CPNE4: variants seen among roughly 807,000 people sequenced by gnomAD.
The protein encoded by CPNE4 is copine-4.
Under a neutral mutation model 67.9 loss-of-function variants are expected in CPNE4, and 25 were observed. The ratio of observed to expected loss-of-function variants is 0.37; its 90% CI spans 0.27 to 0.51. The LOEUF is 0.51. Among genes scored for constraint, CPNE4 ranks in the 20% least tolerant of loss-of-function variants. The pLI is 0.93. For synonymous variants in CPNE4, 242 were observed against 244.9 expected (o/e 0.99, Z 0.11); for missense variants, 464 against 690.8 (o/e 0.67, Z 3.68).
intron 1 of CPNE4, among the ~76,000 whole-genome samples, chr3:131,965,596 T>G (rs1375509875): frequency 6.6e-6 from 1 of 152,058 alleles, no homozygotes; most frequent in Admixed American, 6.5e-5. Context: ...TAAAACAGAC[T>G]TTAAACCAAC....
At chr3:131,815,785 G>T (rs1396215556) in intron 2 of CPNE4, among the ~76,000 whole-genome samples, 1 of 152,168 alleles carries the variant, frequency 6.6e-6, no homozygotes, top group African/African-American at 2.4e-5. Flanking sequence ...ACAAACAAGG[G>T]GTTGCGATCA....
Position 131,546,805 on chromosome 3 carries a change from C to T in CPNE4, c.1302+3142G>A, listed in dbSNP as rs184343446. On this transcript the variant is annotated intron_variant, in intron 14 of 15. Transcript: ENST00000429747. ...GAGATCATCCAATTTTTAAACTGGGCCCCAGGGAGCCCTTAGGGATGCCTT... is the reference window on the plus strand; with the variant it reads ...GAGATCATCCAATTTTTAAACTGGGTCCCAGGGAGCCCTTAGGGATGCCTT... Among the ~76,000 whole-genome samples, 568 of 152,194 alleles carry T rather than the reference C, an allele frequency of 3.7e-3. 5 individuals are homozygous for T. Among genetic ancestry groups the T allele is most frequent in the African/African-American group, 0.013 (544 of 41,514 alleles).
At chr3:131,630,255 T>C (rs927534254) in intron 7 of CPNE4, among the ~76,000 whole-genome samples, 6 of 152,176 alleles carry the variant, frequency 3.9e-5, no homozygotes, top group Non-Finnish European at 8.8e-5. Flanking sequence ...TATCACACTG[T>C]TTTTGTACAA....
intron 3 of CPNE4, among the ~76,000 whole-genome samples, chr3:131,716,254 C>G (rs868431263): frequency 8.8e-6 from 1 of 113,156 alleles, no homozygotes; most frequent in Non-Finnish European, 2.0e-5. Flanking sequence ...AGGAGGCAGA[C>G]TCTGAATGTG....
At chr3:131,963,458 T>C (rs2072243732) in intron 1 of CPNE4, among the ~76,000 whole-genome samples, 1 of 152,010 alleles carries the variant, frequency 6.6e-6, no homozygotes, top group South Asian at 2.1e-4. Flanking sequence ...TGGGTCCCAG[T>C]CCCACAGATC....
intron 10 of CPNE4, among the ~76,000 whole-genome samples, chr3:131,570,462 ATC>A (rs1326625997): frequency 6.6e-6 from 1 of 152,050 alleles, no homozygotes; most frequent in East Asian, 1.9e-4. Flanking sequence ...CATTAGGTAT[ATC>A]TCCCCCATTT....
At chr3:131,873,007 C>A (rs534038425) in intron 2 of CPNE4, among the ~76,000 whole-genome samples, 1 of 152,084 alleles carries the variant, frequency 6.6e-6, no homozygotes, top group Non-Finnish European at 1.5e-5. Context: ...TGCTTCAGGC[C>A]GCTAAGGTTT....
intron 1 of CPNE4, among the ~76,000 whole-genome samples, chr3:132,011,452 C>T (rs896767404): frequency 2.0e-5 from 3 of 152,128 alleles, no homozygotes; most frequent in Non-Finnish European, 2.9e-5. Flanking sequence ...CAAACAATTG[C>T]CACATGTACA....
At chr3:131,844,320 G>A (rs1370323052) in intron 2 of CPNE4, among the ~76,000 whole-genome samples, 3 of 150,518 alleles carry the variant, frequency 2.0e-5, no homozygotes, top group South Asian at 2.1e-4. Context: ...GAGCTGGAGT[G>A]CAGTGGCACA....
chr3:131,623,297 T>G (rs1940575807), intron 7 of CPNE4, among the ~76,000 whole-genome samples: 4 of 152,304 alleles, frequency 2.6e-5, no homozygotes, highest in Admixed American at 2.0e-4. Flanking sequence ...AATGAAATCC[T>G]TCATTGGGTG....
At chr3:131,868,329 G>A (rs1157390037) in intron 2 of CPNE4, among the ~76,000 whole-genome samples, 1 of 152,154 alleles carries the variant, frequency 6.6e-6, no homozygotes, top group African/African-American at 2.4e-5. Context: ...TTAAAGAGAG[G>A]CAGGCATGCA....
intron 7 of CPNE4, among the ~76,000 whole-genome samples, chr3:131,611,909 C>T (rs577383820): frequency 4.6e-5 from 7 of 152,144 alleles, no homozygotes; most frequent in East Asian, 3.9e-4. Flanking sequence ...GCCCAAGTCA[C>T]GGTAAATGAG....
chr3:131,667,631 CT>C (rs1354129425), intron 7 of CPNE4, among the ~76,000 whole-genome samples: 2 of 151,858 alleles, frequency 1.3e-5, no homozygotes, highest in Non-Finnish European at 2.9e-5. Context: ...TTCCTTTCTT[CT>C]TTTTTTCCTT....
chr3:131,878,393 T>C lies in CPNE4; in HGVS notation c.180+26871A>G, dbSNP rs923263541. Among the ~76,000 whole-genome samples, 34 of 152,212 alleles carry C rather than the reference T, an allele frequency of 2.2e-4. 1 individual carries two copies. The highest frequency in any genetic ancestry group is 7.9e-4 in the African/African-American group (33 of 41,530). On this transcript the variant is annotated intron_variant, in intron 2 of 15. Coordinates refer to ENST00000429747, the MANE Select transcript of CPNE4 (RefSeq NM_130808.3). ...GAGCACATGCGGTATGATATATATTTGCATAAAAGTCAAAGATAATAAAAA... is the reference window on the plus strand; with the variant it reads ...GAGCACATGCGGTATGATATATATTCGCATAAAAGTCAAAGATAATAAAAA...
chr3:131,950,136 C>T (rs2071679706), intron 1 of CPNE4, among the ~76,000 whole-genome samples: 1 of 152,066 alleles, frequency 6.6e-6, no homozygotes, highest in South Asian at 2.1e-4. Context: ...GGGTTAGGCC[C>T]CTAAAAACTT....
intron 1 of CPNE4, among the ~76,000 whole-genome samples, chr3:131,982,658 T>A (rs1210994701): frequency 6.6e-6 from 1 of 152,168 alleles, no homozygotes; most frequent in Non-Finnish European, 1.5e-5. Flanking sequence ...CTTGCATGAA[T>A]TTTTTTGTTT....
intron 5 of CPNE4, among the ~76,000 whole-genome samples, chr3:131,688,603 T>C (rs2080954411): frequency 6.6e-6 from 1 of 152,218 alleles, no homozygotes; most frequent in African/African-American, 2.4e-5. Flanking sequence ...AAATAGATTG[T>C]TGGTCCCTCA....
At chr3:131,925,534 T>G (rs1224785119) in intron 1 of CPNE4, 1 of 135,214 alleles carries the variant, frequency 7.4e-6, no homozygotes, top group Non-Finnish European at 1.6e-5. Context: ...CTTACCATTG[T>G]GCTCAAAAGA....
At position 131,841,865 on chromosome 3, in the gene CPNE4, T is replaced by C. The variant is rs368565724; in HGVS notation, c.180+63399A>G. 3.9e-5 allele frequency among the ~76,000 whole-genome samples: 6 copies of C among 152,294 alleles called. No individual in the cohort carries two copies. The East Asian group carries it at 1.2e-3, about 29-fold the overall frequency. On this transcript the variant is annotated intron_variant, in intron 2 of 15. Transcript: ENST00000429747. The stretch of plus-strand genomic sequence containing the variant: ...AACAATAAAGAAGGAAATATCCTGA[T>C]ATGAAATTGAAGGTGGTTTCTGCCA...
Sources: gnomAD v4.1 joint callset for allele counts (sites outside exome capture counted in the v4.1 genomes callset) on GRCh38, gnomAD v4.1.1 for gene constraint, MANE v1.5 for transcripts, NCBI Gene and HGNC (gene_info 2026-07-23, HGNC 2026-07-21) for gene names.